The following AUTS2 variants were observed in gnomAD, a reference collection of about 807,000 sequenced individuals.
AUTS2 encodes activator of transcription and developmental regulator AUTS2, also known as autism susceptibility gene 2 protein.
Under a neutral mutation model 112.4 loss-of-function variants are expected in AUTS2, and 17 were observed. The observed-to-expected ratio is 0.15, with a 90% CI of 0.10 to 0.23. AUTS2 has a LOEUF of 0.23. Among genes scored for constraint, AUTS2 ranks in the 10% least tolerant of loss-of-function variants. The pLI is 1.00. For missense variants in AUTS2, 1,510 were observed against 1,701.6 expected (o/e 0.89, Z 1.98); for synonymous variants, 751 against 702.7 (o/e 1.07, Z -1.09).
chr7:70,650,253 C>T (rs1225312556), intron 5 of AUTS2, among the ~76,000 whole-genome samples: 6 of 152,314 alleles, frequency 3.9e-5, no homozygotes, highest in East Asian at 3.9e-4. Context: ...AACTGGGTTA[C>T]ATACCGTCTC....
intron 2 of AUTS2, among the ~76,000 whole-genome samples, chr7:69,917,081 A>G (rs1289011486): frequency 2.0e-5 from 3 of 152,052 alleles, no homozygotes; most frequent in African/African-American, 7.2e-5. Context: ...TGGTGTGATC[A>G]TAGCTCACTG....
intron 1 of AUTS2, among the ~76,000 whole-genome samples, chr7:69,676,201 A>G (rs555912299): frequency 1.3e-5 from 2 of 152,324 alleles, no homozygotes; most frequent in Admixed American, 6.5e-5. Context: ...ACCTTACAGA[A>G]TATTAGAAGG....
chr7:69,980,926 A>C (rs562250626), intron 2 of AUTS2, among the ~76,000 whole-genome samples: 1 of 152,372 alleles, frequency 6.6e-6, no homozygotes, highest in East Asian at 1.9e-4. Flanking sequence ...TTCATTGACC[A>C]CAGTTGTCTA....
At chr7:70,540,319 C>A (rs1452464320) in intron 5 of AUTS2, among the ~76,000 whole-genome samples, 1 of 152,150 alleles carries the variant, frequency 6.6e-6, no homozygotes, top group Non-Finnish European at 1.5e-5. Context: ...CAGCTACCCC[C>A]CTAGCAGATA....
Position 70,725,299 on chromosome 7 carries a change from G to C in AUTS2, c.742+26679G>C, listed in dbSNP as rs1379302395. The stretch of plus-strand genomic sequence containing the variant: ...TCCATTGTCAGCACCCTGAAAGCCT[G>C]TTTGAAATGTCATCAACTTGGAGCA... On this transcript the variant is annotated intron_variant, in intron 6 of 18. Transcript: ENST00000342771. Among the ~76,000 whole-genome samples, 10 of 152,274 alleles carry C rather than the reference G, an allele frequency of 6.6e-5. No individual in the cohort carries two copies. In the South Asian group the frequency reaches 8.3e-4, roughly 13 times the overall value.
intron 2 of AUTS2, among the ~76,000 whole-genome samples, chr7:70,006,540 G>C (rs1167169513): frequency 6.6e-6 from 1 of 152,116 alleles, no homozygotes; most frequent in East Asian, 1.9e-4. Context: ...TTCCCATCTT[G>C]TCACTTCCAG....
At chr7:69,906,258 A>G (rs1285738779) in intron 2 of AUTS2, among the ~76,000 whole-genome samples, 1 of 152,248 alleles carries the variant, frequency 6.6e-6, no homozygotes, top group African/African-American at 2.4e-5. Context: ...GTGATGATAT[A>G]AAGTTATCTG....
At chr7:69,751,493 T>C (rs1337421919) in intron 1 of AUTS2, among the ~76,000 whole-genome samples, 1 of 152,204 alleles carries the variant, frequency 6.6e-6, no homozygotes, top group African/African-American at 2.4e-5. Flanking sequence ...TGAATTTTGT[T>C]CCGTGTACTA....
At chr7:69,706,726 T>A (rs1798075191) in intron 1 of AUTS2, among the ~76,000 whole-genome samples, 1 of 152,232 alleles carries the variant, frequency 6.6e-6, no homozygotes, top group African/African-American at 2.4e-5. Flanking sequence ...AATTATCAGG[T>A]AATTTATTAA....
At chr7:70,337,984 C>T (rs1459152823) in intron 4 of AUTS2, among the ~76,000 whole-genome samples, 1 of 152,212 alleles carries the variant, frequency 6.6e-6, no homozygotes, top group Non-Finnish European at 1.5e-5. Context: ...TTACAAAGAC[C>T]AGCTACCTCT....
At chr7:70,184,638 C>T (rs1809501952) in intron 4 of AUTS2, among the ~76,000 whole-genome samples, 1 of 152,114 alleles carries the variant, frequency 6.6e-6, no homozygotes, top group Admixed American at 6.5e-5. Flanking sequence ...AGGGTTTTGA[C>T]TATAATTGAA....
At chr7:70,198,429 G>A (rs1174050115) in intron 4 of AUTS2, among the ~76,000 whole-genome samples, 1 of 151,678 alleles carries the variant, frequency 6.6e-6, no homozygotes, top group Non-Finnish European at 1.5e-5. Context: ...AGGCAAAGAA[G>A]TTGAAAACTT....
At chr7:70,252,029 T>C (rs2129604223) in intron 4 of AUTS2, among the ~76,000 whole-genome samples, 1 of 152,334 alleles carries the variant, frequency 6.6e-6, no homozygotes, top group Non-Finnish European at 1.5e-5. Flanking sequence ...TATTTCTTAA[T>C]AGGCATATTC....
chr7:69,605,816 T>A (rs969170869), intron 1 of AUTS2, among the ~76,000 whole-genome samples: 1 of 152,208 alleles, frequency 6.6e-6, no homozygotes, highest in Non-Finnish European at 1.5e-5. Flanking sequence ...TCTGAAAGTA[T>A]GCATAGCTTT....
chr7:70,038,177 A>T (rs1801092986), intron 2 of AUTS2, among the ~76,000 whole-genome samples: 1 of 152,112 alleles, frequency 6.6e-6, no homozygotes, highest in African/African-American at 2.4e-5. Flanking sequence ...TCTGGCAGCA[A>T]TGTGGAGCTT....
intron 1 of AUTS2, among the ~76,000 whole-genome samples, chr7:69,622,967 T>A (rs1165786151): frequency 6.6e-6 from 1 of 152,222 alleles, no homozygotes; most frequent in Non-Finnish European, 1.5e-5. Context: ...TATATATTTG[T>A]AGAGACGGAG....
intron 1 of AUTS2, among the ~76,000 whole-genome samples, chr7:69,732,374 C>T (rs536968884): frequency 6.6e-6 from 1 of 151,834 alleles, no homozygotes; most frequent in African/African-American, 2.4e-5. Context: ...ACTTAATCTA[C>T]ATAAAATATG....
intron 5 of AUTS2, among the ~76,000 whole-genome samples, chr7:70,667,676 A>C (rs967287066): frequency 2.6e-5 from 4 of 152,214 alleles, no homozygotes; most frequent in Non-Finnish European, 5.9e-5. Context: ...TAACTCAGGG[A>C]AATTCTGCTG....
At chr7:70,406,107 C>A (rs756485454) in intron 4 of AUTS2, among the ~76,000 whole-genome samples, 1 of 152,122 alleles carries the variant, frequency 6.6e-6, no homozygotes, top group African/African-American at 2.4e-5. Context: ...GAAAGAGAAG[C>A]ATAAAATAGC....
Sources: gnomAD v4.1 joint callset for allele counts (sites outside exome capture counted in the v4.1 genomes callset) on GRCh38, gnomAD v4.1.1 for gene constraint, MANE v1.5 for transcripts, NCBI Gene and HGNC (gene_info 2026-07-23, HGNC 2026-07-21) for gene names.